The following NPHP4 variants were observed in gnomAD, a reference collection of about 807,000 sequenced individuals.
NPHP4 encodes nephrocystin 4.
NPHP4 carries 151 observed loss-of-function variants against 155.8 expected under a neutral mutation model. That is an observed-to-expected ratio of 0.97 (90% CI 0.85 to 1.11). The LOEUF (loss-of-function observed/expected upper bound fraction) is 1.11, where lower values mean the gene tolerates loss of function less well. Among genes scored for constraint, NPHP4 ranks in the 50% least tolerant of loss-of-function variants. The pLI is 0.00. For synonymous variants in NPHP4, 845 were observed against 816.8 expected (o/e 1.03, Z -0.59); for missense variants, 1,956 against 1,925.7 (o/e 1.02, Z -0.29).
intron 9 of NPHP4, among the ~76,000 whole-genome samples, chr1:5,939,400 G>A (rs769386883): frequency 8.5e-5 from 13 of 152,376 alleles, no homozygotes; most frequent in South Asian, 8.3e-4. Flanking sequence ...GGTTGGGCCG[G>A]TGTAAAGCTC....
At chr1:5,880,887 A>C (rs1643213643) in intron 18 of NPHP4, 1 of 152,872 alleles carries the variant, frequency 6.5e-6, no homozygotes, top group Non-Finnish European at 1.5e-5. Flanking sequence ...TGTGGCCTTT[A>C]CTTCCCCAAG....
intron 26 of NPHP4, 155 bp from the exon 27 acceptor site, chr1:5,865,428 C>G (rs1424209136): frequency 3.2e-6 from 2 of 627,856 alleles, no homozygotes. Flanking sequence ...TGGGGCCACG[C>G]AGGGAAAGCC....
chr1:5,884,629 G>A (rs1482300523), intron 18 of NPHP4, among the ~76,000 whole-genome samples: 1 of 4,842 alleles, frequency 2.1e-4, no homozygotes, highest in Admixed American at 2.1e-3. Flanking sequence ...TCCCAGCCGA[G>A]CCCCCGTCCT....
Position 5,864,373 on chromosome 1 carries a change from C to T in NPHP4, c.3961G>A (p.Val1321Met), listed in dbSNP as rs372485746. ...AGCGGCTGGCGGCAGCAGAGGCACA[C>T]GAGCCAGGAGGCCACCAGCTGGTGG... ...DCHQLVASWL[V>M]CLCCRQPLIS... Residue 1321 changes from valine to methionine, a missense_variant, in exon 28 of 30, where the codon GTG becomes ATG. Transcript: ENST00000378156. 5.4e-5 allele frequency: 87 copies of T among 1,609,340 alleles called. No homozygotes were observed. Among genetic ancestry groups the T allele is most frequent in the Admixed American group, 4.0e-4 (24 of 59,706 alleles).
chr1:5,970,007 C>A (rs771568323), intron 3 of NPHP4, among the ~76,000 whole-genome samples: 1 of 152,146 alleles, frequency 6.6e-6, no homozygotes, highest in Non-Finnish European at 1.5e-5. Flanking sequence ...TCCACTCACA[C>A]CTTCCCATTC....
At chr1:5,864,660 A>C (rs1570035886) in intron 27 of NPHP4, 143 bp from the exon 28 acceptor site, 4 of 678,752 alleles carry the variant, frequency 5.9e-6, no homozygotes, top group Middle Eastern at 4.3e-4. Context: ...GCCACAACCA[A>C]CCCTGACATG....
At chr1:5,964,941 A>ATATATATATTTTTTTTTTTTT in intron 5 of NPHP4, among the ~76,000 whole-genome samples, 8 of 59,392 alleles carry the variant, frequency 1.3e-4, no homozygotes, top group East Asian at 7.7e-4. Context: ...ATATATATAT[A>ATATATATATTTTTTTTTTTTT]TTTTTTTTTT....
intron 11 of NPHP4, among the ~76,000 whole-genome samples, chr1:5,913,672 C>CAA (rs1162663231): frequency 2.0e-5 from 3 of 152,170 alleles, no homozygotes; most frequent in African/African-American, 7.2e-5. Context: ...GGGGGCCCTG[C>CAA]AAGAGGATGC....
intron 18 of NPHP4, chr1:5,880,518 G>A (rs1643172522): frequency 2.4e-6 from 1 of 421,984 alleles, no homozygotes; most frequent in Non-Finnish European, 4.4e-6. Context: ...ACAGTTCGCT[G>A]CACATGGATT....
In NPHP4 at chr1:5,904,680, G is replaced by GCTGGCCGGC. The variant is rs768381001; in HGVS notation, c.2071_2079dup (p.Ala691_Gln693dup). On this transcript the variant is annotated inframe_insertion, in exon 16 of 30. Coordinates refer to ENST00000378156, the MANE Select transcript of NPHP4 (RefSeq NM_015102.5). ...ATGTGGGTCAGGGCGCCAGAGCTGG[G>GCTGGCCGGC]CTGGCCGGCCTCATCCAGCTGGACC... 2.5e-6 allele frequency: 4 copies of GCTGGCCGGC among 1,613,900 alleles called. No individual in the cohort carries two copies. The South Asian group carries it at 4.4e-5, about 18-fold the overall frequency.
intron 3 of NPHP4, among the ~76,000 whole-genome samples, chr1:5,970,231 T>G (rs931039338): frequency 6.6e-6 from 1 of 152,086 alleles, no homozygotes; most frequent in South Asian, 2.1e-4. Flanking sequence ...GGGCCTGGGG[T>G]GGTGGCTCGC....
Position 5,883,142 on chromosome 1 carries a change from A to C in NPHP4, c.2486-2903T>G, listed in dbSNP as rs58904853. Among the ~76,000 whole-genome samples, 1,079 of 152,274 alleles carry C rather than the reference A, an allele frequency of 7.1e-3. 11 individuals carry two copies. Among genetic ancestry groups the C allele is most frequent in the African/African-American group, 0.025 (1,033 of 41,546 alleles). ...ATCAGGGTCCTCAAAGACTTCCCAG[A>C]TTCATGTGGGAAAATGGCAGACAAA... On this transcript the variant is annotated intron_variant, in intron 18 of 29. Coordinates refer to ENST00000378156, the MANE Select transcript of NPHP4 (RefSeq NM_015102.5).
intron 6 of NPHP4, among the ~76,000 whole-genome samples, chr1:5,959,100 T>C (rs1302538962): frequency 9.2e-5 from 14 of 151,906 alleles, no homozygotes; most frequent in Non-Finnish European, 1.5e-5. Context: ...GAAAGGCGCA[T>C]ACGACCCTTA....
chr1:5,867,152 C>G lies in NPHP4; in HGVS notation c.3473-37G>C. 1 of 1,506,554 alleles carries G rather than the reference C, an allele frequency of 6.6e-7. No homozygotes were observed. 93.3% of individuals were successfully genotyped at this position (1,506,554 alleles called of 1,614,324 possible). Reference sequence around the variant, plus strand: ...GAAATGTCAAAAAGAGTCTTCTCCACAGCCCCAGCCTGTGTGGAGAAGGCC... The same window carrying G: ...GAAATGTCAAAAAGAGTCTTCTCCAGAGCCCCAGCCTGTGTGGAGAAGGCC... On this transcript the variant is annotated intron_variant, in intron 24 of 29. Transcript: ENST00000378156. The surrounding 1 kb of genome is among the most constrained non-coding windows in gnomAD (Gnocchi z 4.1).
At position 5,914,257 on chromosome 1, in the gene NPHP4, C is replaced by CAAAAAAAAAAAAAAAAA. The variant is rs575438284; in HGVS notation, c.1442-5061_1442-5045dup. The stretch of plus-strand genomic sequence containing the variant: ...GCAACATGGCAAAATCTTATCTATA[C>CAAAAAAAAAAAAAAAAA]AAAAAAAAAAAAAAAAAAAAAAAAA... On this transcript the variant is annotated intron_variant, in intron 11 of 29. Transcript: ENST00000378156. Among the ~76,000 whole-genome samples the CAAAAAAAAAAAAAAAAA allele has an allele frequency of 1.3e-4, 6 of 47,398 alleles. 1 individual carries two copies. Among genetic ancestry groups the CAAAAAAAAAAAAAAAAA allele is most frequent in the Non-Finnish European group, 1.7e-4 (4 of 23,788 alleles). 31.1% of individuals were successfully genotyped at this position (47,398 alleles called of 152,430 possible). A position where few individuals can be genotyped will look rare whatever the true frequency, so the allele number is the denominator to read the frequency against.
chr1:5,988,911 G>A (rs559413278), intron 1 of NPHP4, among the ~76,000 whole-genome samples: 2 of 152,264 alleles, frequency 1.3e-5, no homozygotes, highest in South Asian at 4.1e-4. Flanking sequence ...GTATTCCTGA[G>A]GACCAGACTC....
At chr1:5,917,275 G>T (rs1246890517) in intron 11 of NPHP4, among the ~76,000 whole-genome samples, 1 of 152,146 alleles carries the variant, frequency 6.6e-6, no homozygotes, top group East Asian at 1.9e-4. Flanking sequence ...GACTCCCACT[G>T]GAACAACTGA....
At chr1:5,932,671 A>G (rs1279539752) in intron 10 of NPHP4, among the ~76,000 whole-genome samples, 1 of 152,014 alleles carries the variant, frequency 6.6e-6, no homozygotes, top group Non-Finnish European at 1.5e-5. Flanking sequence ...AAAAAAAAAA[A>G]AAAAACCTGA....
intron 6 of NPHP4, among the ~76,000 whole-genome samples, chr1:5,961,223 G>C (rs752471578): frequency 2.6e-5 from 4 of 152,150 alleles, no homozygotes; most frequent in South Asian, 2.1e-4. Flanking sequence ...GACAGAAAGC[G>C]GAAGGGTGGC....
Sources: allele counts gnomAD v4.1 joint callset (sites outside exome capture counted in the v4.1 genomes callset), GRCh38; gene constraint gnomAD v4.1.1; non-coding constraint Gnocchi (gnomAD v3.1); transcripts MANE v1.5; gene names NCBI Gene and HGNC (gene_info 2026-07-23, HGNC 2026-07-21).